Variants in ADAM19 observed in about 807,000 individuals in gnomAD.
ADAM19 encodes the protein disintegrin and metalloproteinase domain-containing protein 19.
Under a neutral mutation model 114.7 loss-of-function variants are expected in ADAM19, and 65 were observed. That is an observed-to-expected ratio of 0.57 (90% CI 0.46 to 0.70). The LOEUF is 0.70. ADAM19 is among the 30% of genes least tolerant of loss of function. The pLI, the probability that ADAM19 is intolerant of heterozygous loss-of-function variation, is 0.00. For missense variants in ADAM19, 1,063 were observed against 1,204.7 expected, an observed-to-expected ratio of 0.88 and a Z score of 1.74; for synonymous variants, 466 against 460.5, an observed-to-expected ratio of 1.01 and a Z score of -0.15.
At chr5:157,506,779 T>C (rs966703072) in intron 10 of ADAM19, among the ~76,000 whole-genome samples, 7 of 152,202 alleles carry the variant, frequency 4.6e-5, no homozygotes, top group Non-Finnish European at 1.0e-4. Context: ...TTCCAGCCCC[T>C]GGTTTGGAAC....
Position 157,479,031 on chromosome 5 carries a change from A to C in ADAM19, c.*1918T>G. ...GATGTTTTCACCTTTACTTTCCAGG[A>C]ACCAAGCCTTGAGGCAGAGGGTAGC... On this transcript the variant is annotated 3_prime_UTR_variant, in exon 23 of 23. Transcript: ENST00000257527. 2.0e-6 allele frequency: 2 copies of C among 985,780 alleles called. No individual in the cohort carries two copies. The highest frequency in any genetic ancestry group is 3.5e-5 in the African/African-American group (2 of 57,340). The allele number at this position is 985,780 out of a possible 1,614,324, so 61.1% of individuals were successfully genotyped here. A position where few individuals can be genotyped will look rare whatever the true frequency, so the allele number is the denominator to read the frequency against.
intron 11 of ADAM19, among the ~76,000 whole-genome samples, chr5:157,503,701 C>T (rs1755642320): frequency 6.6e-6 from 1 of 152,146 alleles, no homozygotes; most frequent in Non-Finnish European, 1.5e-5. Flanking sequence ...ACCAGCCAAC[C>T]TAAACTTTTC....
chr5:157,562,952 G>A (rs1161798017), intron 3 of ADAM19, among the ~76,000 whole-genome samples: 1 of 152,160 alleles, frequency 6.6e-6, no homozygotes, highest in Non-Finnish European at 1.5e-5. Flanking sequence ...ACTGGGGGCA[G>A]AACAGGAGAG....
chr5:157,498,733 T>G (rs957316648), intron 13 of ADAM19, among the ~76,000 whole-genome samples: 1 of 150,654 alleles, frequency 6.6e-6, no homozygotes, highest in Non-Finnish European at 1.5e-5. Flanking sequence ...ATTACATATG[T>G]CCGCATATAT....
intron 5 of ADAM19, among the ~76,000 whole-genome samples, chr5:157,520,874 T>C (rs1375674489): frequency 6.6e-6 from 1 of 152,164 alleles, no homozygotes; most frequent in Non-Finnish European, 1.5e-5. Flanking sequence ...CTAGACATAA[T>C]CTAGACATAA....
At chr5:157,528,123 C>G (rs1234303662) in intron 5 of ADAM19, among the ~76,000 whole-genome samples, 1 of 152,212 alleles carries the variant, frequency 6.6e-6, no homozygotes, top group African/African-American at 2.4e-5. Context: ...TTGAATGTTG[C>G]TGCTGTTGCA....
intron 10 of ADAM19, 130 bp downstream of exon 10, chr5:157,506,926 T>C (rs756898522): frequency 1.4e-4 from 108 of 746,730 alleles, no homozygotes; most frequent in Non-Finnish European, 2.2e-4. Flanking sequence ...TTTTAAACAA[T>C]TGCCCTTCCT....
chr5:157,543,060 A>C (rs1756960563), intron 3 of ADAM19, among the ~76,000 whole-genome samples: 1 of 152,178 alleles, frequency 6.6e-6, no homozygotes. Flanking sequence ...TACAGCCCCT[A>C]GGATATTAAC....
intron 5 of ADAM19, among the ~76,000 whole-genome samples, chr5:157,520,838 CT>C (rs1418768131): frequency 2.6e-5 from 4 of 152,208 alleles, no homozygotes; most frequent in Non-Finnish European, 5.9e-5. Context: ...GATACTAGCA[CT>C]GAACTCAGAA....
At chr5:157,540,392 A>G (rs777578831) in intron 3 of ADAM19, among the ~76,000 whole-genome samples, 1 of 152,204 alleles carries the variant, frequency 6.6e-6, no homozygotes, top group Non-Finnish European at 1.5e-5. Context: ...CCAGTGGGGA[A>G]GTGTGAATTT....
At chr5:157,522,970 C>T (rs1756346088) in intron 5 of ADAM19, among the ~76,000 whole-genome samples, 3 of 152,192 alleles carry the variant, frequency 2.0e-5, no homozygotes, top group Admixed American at 2.0e-4. Flanking sequence ...ATTGAGCTAA[C>T]TGGATGCCAG....
intron 5 of ADAM19, among the ~76,000 whole-genome samples, chr5:157,526,911 G>A (rs1007091507): frequency 2.6e-5 from 4 of 152,024 alleles, no homozygotes; most frequent in Non-Finnish European, 2.9e-5. Flanking sequence ...GTGAGCCACC[G>A]CGCCTGGCCT....
intron 3 of ADAM19, among the ~76,000 whole-genome samples, chr5:157,544,866 T>G (rs950720936): frequency 4.6e-5 from 7 of 152,050 alleles, no homozygotes; most frequent in African/African-American, 1.5e-4. Context: ...ACAGAAAACC[T>G]GAAGGGAAAG....
chr5:157,488,502 G>C lies in ADAM19; in HGVS notation c.2326-13C>G, dbSNP rs1437482781. 11 of 1,556,924 alleles carry C rather than the reference G, an allele frequency of 7.1e-6. No individual in the cohort carries two copies. The highest frequency in any genetic ancestry group is 1.4e-5 in the African/African-American group (1 of 73,370). On this transcript the variant is annotated splice_polypyrimidine_tract_variant and intron_variant, in intron 20 of 22. Transcript: ENST00000257527. ...GAGTGTTGATCACCTGTACGCACAA[G>C]TCAAGGAACACCTGAGACAAGAAAT...
chr5:157,569,880 C>T (rs980233482), intron 2 of ADAM19, among the ~76,000 whole-genome samples: 4 of 152,322 alleles, frequency 2.6e-5, no homozygotes, highest in Middle Eastern at 3.4e-3. Flanking sequence ...TCTACCACTT[C>T]GCAAGTGGCA....
chr5:157,485,998 G>A (rs1391858586), intron 21 of ADAM19, among the ~76,000 whole-genome samples: 1 of 152,216 alleles, frequency 6.6e-6, no homozygotes, highest in Non-Finnish European at 1.5e-5. Flanking sequence ...CAGAGTGCAG[G>A]TGCATAAGCC....
At chr5:157,572,124 C>T (rs1757845659) in intron 1 of ADAM19, 3 of 201,042 alleles carry the variant, frequency 1.5e-5, no homozygotes, top group South Asian at 1.3e-4. Flanking sequence ...CTCGCTTTGT[C>T]GCCCAGGCTG....
At chr5:157,533,999 G>A (rs1756694498) in intron 4 of ADAM19, among the ~76,000 whole-genome samples, 1 of 152,076 alleles carries the variant, frequency 6.6e-6, no homozygotes, top group East Asian at 1.9e-4. Context: ...CTGAAACCCA[G>A]GGATGGCTGT....
At position 157,477,797 on chromosome 5, in the gene ADAM19, G is replaced by T. The variant is rs1018454130; in HGVS notation, c.*3152C>A. 1 of 1,172,074 alleles carries T rather than the reference G, an allele frequency of 8.5e-7. No homozygotes were observed. Among genetic ancestry groups the T allele is most frequent in the Non-Finnish European group, 1.1e-6 (1 of 881,852 alleles). The allele number at this position is 1,172,074 out of a possible 1,614,324, so 72.6% of individuals were successfully genotyped here. A position where few individuals can be genotyped will look rare whatever the true frequency, so the allele number is the denominator to read the frequency against. On this transcript the variant is annotated 3_prime_UTR_variant, in exon 23 of 23. Transcript: ENST00000257527. ...GAGACTTCCAATAAAGATTGGAAAG[G>T]CGTATTGCAGGAGGTGGGGAGGGGC...
Sources: allele counts gnomAD v4.1 joint callset (sites outside exome capture counted in the v4.1 genomes callset), GRCh38; gene constraint gnomAD v4.1.1; transcripts MANE v1.5; gene names NCBI Gene and HGNC (gene_info 2026-07-23, HGNC 2026-07-21).